Variants in TPD52 observed in about 807,000 individuals in gnomAD.
The protein encoded by TPD52 is tumor protein D52.
TPD52 carries 17 observed loss-of-function variants against 31.3 expected under a neutral mutation model. That is an observed-to-expected ratio of 0.54 (90% CI 0.37 to 0.82). The LOEUF (loss-of-function observed/expected upper bound fraction) is 0.82, where lower values mean the gene tolerates loss of function less well. TPD52 is among the 40% of genes least tolerant of loss of function. TPD52 has a pLI of 0.00. For synonymous variants in TPD52, 83 were observed against 89.6 expected, an observed-to-expected ratio of 0.93 and a Z score of 0.42; for missense variants, 212 against 240.1, an observed-to-expected ratio of 0.88 and a Z score of 0.77.
intron 1 of TPD52, chr8:80,080,232 T>G (rs1362567060): frequency 7.7e-7 from 1 of 1,303,596 alleles, no homozygotes; most frequent in African/African-American, 1.5e-5. Context: ...ATCTTTACAC[T>G]AACAATTTTA....
intron 1 of TPD52, among the ~76,000 whole-genome samples, chr8:80,155,901 G>C (rs1158303116): frequency 1.3e-5 from 2 of 151,118 alleles, no homozygotes; most frequent in African/African-American, 4.9e-5. Context: ...AAAAAAGAAA[G>C]AAAAGAAAAG....
chr8:80,063,740 T>C (rs1169508438), intron 2 of TPD52, among the ~76,000 whole-genome samples: 3 of 151,916 alleles, frequency 2.0e-5, no homozygotes, highest in South Asian at 2.1e-4. Flanking sequence ...GAGGTTGCAA[T>C]GAGCCAAGAT....
chr8:80,142,851 G>A (rs1466829335), intron 1 of TPD52, among the ~76,000 whole-genome samples: 1 of 152,138 alleles, frequency 6.6e-6, no homozygotes, highest in African/African-American at 2.4e-5. Flanking sequence ...TGACTGTTGT[G>A]CCCAGAATCC....
rs977939775 is a variant in TPD52, at chr8:80,072,798, C to CACATATATATATATATAT, written c.20-8206_20-8205insATATATATATATATATGT. 8.5e-4 allele frequency among the ~76,000 whole-genome samples: 120 copies of CACATATATATATATATAT among 141,062 alleles called. 1 individual carries two copies. The highest frequency in any genetic ancestry group is 7.5e-3 in the East Asian group (38 of 5,060). The allele number at this position is 141,062 out of a possible 152,430, so 92.5% of individuals were successfully genotyped here. A position where few individuals can be genotyped will look rare whatever the true frequency, so the allele number is the denominator to read the frequency against. On this transcript the variant is annotated intron_variant, in intron 1 of 7. Transcript: ENST00000518937. ...ATATATACACATACACACACACACA[C>CACATATATATATATATAT]ATATATATATATATATAAACTTGGC...
chr8:80,169,130 C>T (rs1021361966), intron 1 of TPD52, among the ~76,000 whole-genome samples: 5 of 152,024 alleles, frequency 3.3e-5, no homozygotes, highest in African/African-American at 9.7e-5. Flanking sequence ...GACTACAGGC[C>T]GGTGCCACCG....
intron 1 of TPD52, among the ~76,000 whole-genome samples, chr8:80,141,389 C>T (rs1268349954): frequency 6.6e-6 from 1 of 152,136 alleles, no homozygotes; most frequent in African/African-American, 2.4e-5. Context: ...CTTTCTCTTG[C>T]ATCATTTGCT....
chr8:80,161,048 C>T (rs529693816), intron 1 of TPD52, among the ~76,000 whole-genome samples: 1 of 151,998 alleles, frequency 6.6e-6, no homozygotes, highest in African/African-American at 2.4e-5. Context: ...GCCTGGGCAA[C>T]AGAGCGAGAC....
At chr8:80,074,250 T>G (rs1399791909) in intron 1 of TPD52, among the ~76,000 whole-genome samples, 1 of 152,196 alleles carries the variant, frequency 6.6e-6, no homozygotes, top group Non-Finnish European at 1.5e-5. Flanking sequence ...ATCCCCCTTT[T>G]TAAACCTAGA....
chr8:80,102,628 G>T (rs1778353236), intron 1 of TPD52, among the ~76,000 whole-genome samples: 1 of 152,130 alleles, frequency 6.6e-6, no homozygotes, highest in African/African-American at 2.4e-5. Flanking sequence ...TATATATTTG[G>T]TCTGTCCCCG....
intron 7 of TPD52, 153 bp downstream of exon 7, chr8:80,042,467 C>T (rs965855744): frequency 5.9e-5 from 58 of 985,246 alleles, no homozygotes; most frequent in South Asian, 4.7e-5. Context: ...TACATAACAC[C>T]TTAAATGTCC....
chr8:80,151,575 A>G (rs1007210881), intron 1 of TPD52, among the ~76,000 whole-genome samples: 1 of 152,246 alleles, frequency 6.6e-6, no homozygotes, highest in Non-Finnish European at 1.5e-5. Context: ...CCCCAAAAAA[A>G]GATCAGTTTT....
chr8:80,067,571 C>T (rs983961800), intron 1 of TPD52, among the ~76,000 whole-genome samples: 2 of 152,088 alleles, frequency 1.3e-5, no homozygotes, highest in African/African-American at 4.8e-5. Flanking sequence ...TCACCACTTA[C>T]AGATCAGGAA....
chr8:80,036,214 G>C lies in TPD52; in HGVS notation c.*1902C>G, dbSNP rs1423782921. 6.6e-6 allele frequency: 1 copy of C among 152,356 alleles called. No individual in the cohort carries two copies. The highest frequency in any genetic ancestry group is 2.4e-5 in the African/African-American group (1 of 41,416). 9.4% of individuals were successfully genotyped at this position (152,356 alleles called of 1,614,324 possible). On this transcript the variant is annotated 3_prime_UTR_variant, in exon 8 of 8. Coordinates refer to ENST00000518937, the MANE Select transcript of TPD52 (RefSeq NM_001025253.3). Reference sequence around the variant, plus strand: ...CTTGAGGGTATTTCACTCATCTAAAGAAATTGCCACTTTACTCCATTTTGC... The same window carrying C: ...CTTGAGGGTATTTCACTCATCTAAACAAATTGCCACTTTACTCCATTTTGC...
rs58923055 is a variant in TPD52, at chr8:80,160,889, C to CAAAAAAAAAAAAAAAAAAAAAA, written c.19+10514_19+10535dup. On this transcript the variant is annotated intron_variant, in intron 1 of 7. Transcript: ENST00000518937. ...CAAAACACCATCTCTACTAAAAATA[C>CAAAAAAAAAAAAAAAAAAAAAA]AAAAAAAAAAAAAAAAAAAAAAAAT... is the stretch of plus-strand genomic sequence containing the variant. Among the ~76,000 whole-genome samples, 2 of 95,096 alleles carry CAAAAAAAAAAAAAAAAAAAAAA rather than the reference C, an allele frequency of 2.1e-5. 1 individual carries two copies. The highest frequency in any genetic ancestry group is 8.7e-5 in the African/African-American group (2 of 23,036). The allele number at this position is 95,096 out of a possible 152,430, so 62.4% of individuals were successfully genotyped here. A position where few individuals can be genotyped will look rare whatever the true frequency, so the allele number is the denominator to read the frequency against.
intron 1 of TPD52, among the ~76,000 whole-genome samples, chr8:80,121,694 AT>A (rs1167799133): frequency 6.6e-6 from 1 of 152,146 alleles, no homozygotes; most frequent in Non-Finnish European, 1.5e-5. Context: ...CCTGGAATTA[AT>A]TCCAAAACAA....
At chr8:80,052,072 G>C (rs558569010) in intron 3 of TPD52, among the ~76,000 whole-genome samples, 1 of 152,146 alleles carries the variant, frequency 6.6e-6, no homozygotes, top group African/African-American at 2.4e-5. Flanking sequence ...AGTAGCTGGC[G>C]TAAGTAGGAC....
At chr8:80,163,982 T>C (rs1245658367) in intron 1 of TPD52, among the ~76,000 whole-genome samples, 7 of 148,320 alleles carry the variant, frequency 4.7e-5, no homozygotes, top group South Asian at 2.1e-4. Context: ...TATTGGGGTA[T>C]TGAATAAAGA....
At chr8:80,147,652 T>C (rs1449336101) in intron 1 of TPD52, among the ~76,000 whole-genome samples, 1 of 152,106 alleles carries the variant, frequency 6.6e-6, no homozygotes, top group African/African-American at 2.4e-5. Context: ...CCCACCATCA[T>C]CCTTACATTT....
In TPD52 at chr8:80,034,861, G is replaced by A. The variant is rs1251768623; in HGVS notation, c.*3255C>T. 1 of 152,166 alleles carries A rather than the reference G, an allele frequency of 6.6e-6. No homozygotes were observed. Among genetic ancestry groups the A allele is most frequent in the African/African-American group, 2.4e-5 (1 of 41,446 alleles). 9.4% of individuals were successfully genotyped at this position (152,166 alleles called of 1,614,324 possible). On this transcript the variant is annotated 3_prime_UTR_variant, in exon 8 of 8. Transcript: ENST00000518937. ...TAACATCAAAATTACATGAGAGCTG[G>A]CAAGAATTTTAGTTGCCAAATAGCA...
Sources: gnomAD v4.1 joint callset for allele counts (sites outside exome capture counted in the v4.1 genomes callset) on GRCh38, gnomAD v4.1.1 for gene constraint, MANE v1.5 for transcripts, NCBI Gene and HGNC (gene_info 2026-07-23, HGNC 2026-07-21) for gene names.